Variants in EFCC1 observed in about 807,000 individuals in gnomAD.
The protein encoded by EFCC1 is EF-hand and coiled-coil domain-containing protein 1.
A neutral mutation model predicts 52.1 loss-of-function variants in EFCC1; 50 were observed. The ratio of observed to expected loss-of-function variants is 0.96; its 90% CI spans 0.76 to 1.21. The LOEUF is 1.21. Among genes scored for constraint, EFCC1 ranks in the 50% most tolerant of loss-of-function variants. EFCC1 has a pLI of 0.00. For synonymous variants in EFCC1, 399 were observed against 396.5 expected, an observed-to-expected ratio of 1.01 and a Z score of -0.08; for missense variants, 837 against 867.3, an observed-to-expected ratio of 0.97 and a Z score of 0.44.
At chr3:129,003,175 G>A (rs1263708642) in intron 1 of EFCC1, 4 of 960,740 alleles carry the variant, frequency 4.2e-6, no homozygotes, top group Non-Finnish European at 5.0e-6. Context: ...CAGTGTCAGT[G>A]TGCATGGAAG....
Position 129,010,259 on chromosome 3 carries a change from A to G in EFCC1, c.980+6182A>G, listed in dbSNP as rs113891994. ...TCCTTTTGAAACCGCCCATATCTCA[A>G]CCAGTTGCCTGGCCTGGCCCCCTAC... On this transcript the variant is annotated intron_variant, in intron 2 of 7. Transcript: ENST00000683648. The surrounding 1 kb of genome is among the most constrained non-coding windows in gnomAD (Gnocchi z 4.3). Among the ~76,000 whole-genome samples the G allele has an allele frequency of 8.8e-3, 1,341 of 152,274 alleles. 22 individuals are homozygous for G. The highest frequency in any genetic ancestry group is 0.03 in the African/African-American group (1,263 of 41,558).
Position 129,022,029 on chromosome 3 carries a change from G to A in EFCC1, c.981-8674G>A, listed in dbSNP as rs184116603. On this transcript the variant is annotated intron_variant, in intron 2 of 7. Coordinates refer to ENST00000683648, the MANE Select transcript of EFCC1 (RefSeq NM_001377500.1). ...AGGGGCAGAGGTGGCCGGGGCAGGC[G>A]CAGAGCTCTGCTCTCACAGCACCCA... Among the ~76,000 whole-genome samples the A allele has an allele frequency of 1.2e-3, 179 of 152,298 alleles. 1 individual carries two copies. In the East Asian group the frequency reaches 0.013, roughly 11 times the overall value.
At chr3:129,007,498 G>A (rs139988462) in intron 2 of EFCC1, among the ~76,000 whole-genome samples, 1 of 152,330 alleles carries the variant, frequency 6.6e-6, no homozygotes, top group East Asian at 1.9e-4. Flanking sequence ...ACAGCTTGAA[G>A]CCATTTGGTT....
intron 2 of EFCC1, among the ~76,000 whole-genome samples, chr3:129,027,189 G>A (rs992743688): frequency 1.3e-5 from 2 of 152,202 alleles, no homozygotes; most frequent in African/African-American, 4.8e-5. Flanking sequence ...GGCTACCCGT[G>A]CAGCCCTGGG....
rs545590177 is a variant in EFCC1, at chr3:129,039,365, G to A, written c.1664-347G>A. ...CAGAACAGCAGGAATGCCAGCTTAT[G>A]CCTGGGGCAGCCAGGCCGAGCTCCT... is the stretch of plus-strand genomic sequence containing the variant. On this transcript the variant is annotated intron_variant, in intron 7 of 7. Transcript: ENST00000683648. 3.3e-5 allele frequency among the ~76,000 whole-genome samples: 5 copies of A among 152,310 alleles called. No homozygotes were observed. In the South Asian group the frequency reaches 1.0e-3, roughly 32 times the overall value.
rs895684943 is a variant in EFCC1, at chr3:129,021,045, C to T, written c.981-9658C>T. ...TCTCCCCCAGGACTTTCTGGAAATT[C>T]GTGGGGAGGAGGGTTTGCCTCAGTG... is the stretch of plus-strand genomic sequence containing the variant. On this transcript the variant is annotated intron_variant, in intron 2 of 7. Coordinates refer to ENST00000683648, the MANE Select transcript of EFCC1 (RefSeq NM_001377500.1). Among the ~76,000 whole-genome samples the T allele has an allele frequency of 3.3e-5, 5 of 152,090 alleles. No homozygotes were observed. The East Asian group carries it at 5.8e-4, about 18-fold the overall frequency.
rs979843448 is a variant in EFCC1 at position 129,010,430 on chromosome 3, C to T, written c.980+6353C>T. On this transcript the variant is annotated intron_variant, in intron 2 of 7. Transcript: ENST00000683648. This position sits in a 1 kb window ranked among gnomAD's most constrained non-coding sequence, Gnocchi z 4.3. The stretch of plus-strand genomic sequence containing the variant: ...AGACAGAGAGCCAGCTCAGCTCAGC[C>T]GGAACAGGGAGGAGAGGCCTGGCGG... Among the ~76,000 whole-genome samples, 4 of 148,546 alleles carry T rather than the reference C, an allele frequency of 2.7e-5. No individual in the cohort carries two copies. Among genetic ancestry groups the T allele is most frequent in the East Asian group, 4.0e-4 (2 of 4,972 alleles).
At chr3:129,019,315 A>C (rs141550068) in intron 2 of EFCC1, among the ~76,000 whole-genome samples, 1 of 152,292 alleles carries the variant, frequency 6.6e-6, no homozygotes, top group East Asian at 1.9e-4. Context: ...GAAGACAGGG[A>C]CCCAGCTTTA....
At chr3:129,011,550 C>CAAAAAAAA (rs1201411639) in intron 2 of EFCC1, among the ~76,000 whole-genome samples, 254 of 93,484 alleles carry the variant, frequency 2.7e-3, no homozygotes, top group African/African-American at 9.2e-3. Context: ...GACTCCGTCT[C>CAAAAAAAA]AAAAAAAAAA....
At chr3:129,032,467 C>G (rs1000099676) in intron 3 of EFCC1, among the ~76,000 whole-genome samples, 6 of 151,832 alleles carry the variant, frequency 4.0e-5, no homozygotes, top group African/African-American at 1.5e-4. Context: ...GAGCTATCAT[C>G]ACACCACTGC....
chr3:129,017,446 C>T (rs1945635863), intron 2 of EFCC1, among the ~76,000 whole-genome samples: 1 of 152,240 alleles, frequency 6.6e-6, no homozygotes, highest in South Asian at 2.1e-4. Context: ...TCTGCACAAG[C>T]TCGCACAAGG....
intron 4 of EFCC1, 28 bp downstream of exon 4, chr3:129,032,994 T>G (rs146280659): frequency 1.4e-5 from 21 of 1,502,054 alleles, no homozygotes; most frequent in Middle Eastern, 4.5e-4. Flanking sequence ...CGTCAGCCAC[T>G]GTGGGCCGCA....
chr3:129,020,403 G>A (rs565739182), intron 2 of EFCC1, among the ~76,000 whole-genome samples: 4 of 152,222 alleles, frequency 2.6e-5, no homozygotes, highest in South Asian at 2.1e-4. Context: ...TTGGGAGGCC[G>A]AGATGGGTGA....
intron 4 of EFCC1, 26 bp from the exon 5 acceptor site, chr3:129,034,138 A>G (rs1397918211): frequency 6.2e-7 from 1 of 1,613,812 alleles, no homozygotes; most frequent in Admixed American, 1.7e-5. Context: ...AGCCCCCTGC[A>G]ATGCGGGCCC....
intron 2 of EFCC1, among the ~76,000 whole-genome samples, chr3:129,022,139 G>A (rs554522053): frequency 6.6e-6 from 1 of 152,266 alleles, no homozygotes; most frequent in African/African-American, 2.4e-5. Flanking sequence ...TATCTATATA[G>A]AACCTGTATT....
intron 3 of EFCC1, among the ~76,000 whole-genome samples, chr3:129,031,365 T>C (rs1946269461): frequency 6.6e-6 from 1 of 152,060 alleles, no homozygotes; most frequent in Non-Finnish European, 1.5e-5. Context: ...CACTTGAGCC[T>C]GGGAGGTAGA....
chr3:129,015,608 G>A (rs547717585), intron 2 of EFCC1, among the ~76,000 whole-genome samples: 14 of 152,130 alleles, frequency 9.2e-5, no homozygotes, highest in African/African-American at 3.4e-4. Context: ...CTGAGTGTCC[G>A]TGTCTGCTCG....
At position 129,032,844 on chromosome 3, in the gene EFCC1, C is replaced by T. The variant is rs765602893; in HGVS notation, c.1164C>T (p.Ser388=). Residue 388 remains serine, a synonymous_variant, in exon 4 of 8, where the codon TCC becomes TCT. Transcript: ENST00000683648. ...DEAVDEQLFR[S]VEGQAASDEE... ...CAGTGGACGAGCAGCTGTTCCGCTCCGTGGAGGGCCAGGCCGCCTCTGACG... is the reference window on the plus strand; with the variant it reads ...CAGTGGACGAGCAGCTGTTCCGCTCTGTGGAGGGCCAGGCCGCCTCTGACG... The T allele has an allele frequency of 7.7e-6, 12 of 1,551,292 alleles. No homozygotes were observed. Among genetic ancestry groups the T allele is most frequent in the Admixed American group, 3.9e-5 (2 of 50,978 alleles).
chr3:129,024,253 G>A (rs1945998595), intron 2 of EFCC1, among the ~76,000 whole-genome samples: 1 of 152,072 alleles, frequency 6.6e-6, no homozygotes, highest in Non-Finnish European at 1.5e-5. Flanking sequence ...ATTTGGGGCT[G>A]GGTCTAGTGG....
Sources: allele counts gnomAD v4.1 joint callset (sites outside exome capture counted in the v4.1 genomes callset), GRCh38; gene constraint gnomAD v4.1.1; non-coding constraint Gnocchi (gnomAD v3.1); transcripts MANE v1.5; gene names NCBI Gene and HGNC (gene_info 2026-07-23, HGNC 2026-07-21).